Variants in PAM16 observed in about 807,000 individuals in gnomAD.
PAM16 encodes the protein presequence translocase associated motor 16.
PAM16 carries 11 observed loss-of-function variants against 17.9 expected under a neutral mutation model. The observed-to-expected ratio is 0.62, with a 90% CI of 0.39 to 1.02. PAM16 has a LOEUF of 1.02. Among genes scored for constraint, PAM16 ranks in the 50% least tolerant of loss-of-function variants. The probability of loss-of-function intolerance (pLI) is 0.01; values close to 1 mark genes in which losing one functional copy is unlikely to be tolerated. For synonymous variants in PAM16, 72 were observed against 67.4 expected (o/e 1.07, Z -0.34); for missense variants, 199 against 165.4 (o/e 1.20, Z -1.11).
intron 1 of PAM16, chr16:4,350,809 G>T (rs565003778): frequency 1.6e-4 from 26 of 166,048 alleles, no homozygotes; most frequent in Non-Finnish European, 2.7e-4. Context: ...TCGGTGTCTC[G>T]GGGCCTAGTT....
chr16:4,349,504 T>C (rs534264781), intron 1 of PAM16, among the ~76,000 whole-genome samples: 7 of 152,252 alleles, frequency 4.6e-5, no homozygotes, highest in African/African-American at 1.7e-4. Flanking sequence ...GAGGATCACC[T>C]AAGCCCCAGG....
At position 4,351,263 on chromosome 16, in the gene PAM16, C is replaced by T; in HGVS notation, c.-29G>A. 1 of 1,463,512 alleles carries T rather than the reference C, an allele frequency of 6.8e-7. No homozygotes were observed. The highest frequency in any genetic ancestry group is 9.1e-7 in the Non-Finnish European group (1 of 1,099,926). The allele number at this position is 1,463,512 out of a possible 1,614,324, so 90.7% of individuals were successfully genotyped here. A position where few individuals can be genotyped will look rare whatever the true frequency, so the allele number is the denominator to read the frequency against. ...AGCCGCTCTGCCTCCGGGGCTCAAA[C>T]TCCGACTTCCTGGCCCCGCGGCCGG... On this transcript the variant is annotated 5_prime_UTR_variant, in exon 1 of 5. Coordinates refer to ENST00000318059, the MANE Select transcript of PAM16 (RefSeq NM_016069.11).
At chr16:4,348,940 G>C (rs111284704) in intron 1 of PAM16, among the ~76,000 whole-genome samples, 1 of 145,940 alleles carries the variant, frequency 6.9e-6, no homozygotes, top group African/African-American at 2.6e-5. Context: ...CACCGTACCC[G>C]GCCTAGCACT....
intron 2 of PAM16, among the ~76,000 whole-genome samples, chr16:4,342,176 C>G (rs1382406691): frequency 6.6e-6 from 1 of 152,184 alleles, no homozygotes; most frequent in Non-Finnish European, 1.5e-5. Flanking sequence ...TGATGAAAAC[C>G]TGTAAAATAC....
chr16:4,341,294 G>T, intron 3 of PAM16, 74 bp downstream of exon 3: 1 of 1,520,326 alleles, frequency 6.6e-7, no homozygotes, highest in South Asian at 1.2e-5. Flanking sequence ...GACCTCCCTG[G>T]CCAGGCCTCC....
At chr16:4,351,082 C>G (rs1212574997) in intron 1 of PAM16, 150 bp downstream of exon 1, 1 of 379,948 alleles carries the variant, frequency 2.6e-6, no homozygotes, top group African/African-American at 2.1e-5. Flanking sequence ...GCCTCGATTC[C>G]CCCGGGTGCA....
intron 4 of PAM16, among the ~76,000 whole-genome samples, 192 bp from the exon 5 acceptor site, chr16:4,340,597 G>A (rs919243075): frequency 1.3e-5 from 2 of 152,162 alleles, no homozygotes; most frequent in African/African-American, 2.4e-5. Context: ...AGGGCCCAGC[G>A]CATGCTGTGA....
rs1458304401 is a variant in PAM16 at position 4,344,382 on chromosome 16, GGT to G, written c.4-1093_4-1092del. ...GAGGGGGTTCTGTGTGAGAGGAGGG[GGT>G]TCTGTGTGAGAGGAGGGGGTTCTGT... On this transcript the variant is annotated intron_variant, in intron 1 of 4. Coordinates refer to ENST00000318059, the MANE Select transcript of PAM16 (RefSeq NM_016069.11). Among the ~76,000 whole-genome samples, 4 of 11,022 alleles carry G rather than the reference GGT, an allele frequency of 3.6e-4. 2 individuals carry two copies. The highest frequency in any genetic ancestry group is 7.5e-4 in the Non-Finnish European group (4 of 5,360). 7.2% of individuals were successfully genotyped at this position (11,022 alleles called of 152,430 possible).
intron 1 of PAM16, chr16:4,346,002 A>T: frequency 1.0e-6 from 1 of 984,270 alleles, no homozygotes; most frequent in South Asian, 4.7e-5. Context: ...TGCCAAGGCC[A>T]ATGACTGTTG....
intron 1 of PAM16, chr16:4,346,729 TA>T (rs1330925702): frequency 1.3e-5 from 2 of 152,200 alleles, no homozygotes; most frequent in East Asian, 1.9e-4. Flanking sequence ...ATTTTTTATT[TA>T]TTTTTTTGAG....
chr16:4,347,495 A>G (rs1202745612), intron 1 of PAM16: 1 of 152,256 alleles, frequency 6.6e-6, no homozygotes, highest in African/African-American at 2.4e-5. Flanking sequence ...TCACAAGAGG[A>G]CAGTAAGGCC....
At chr16:4,341,583 C>T (rs2053648260) in intron 2 of PAM16, 79 bp from the exon 3 acceptor site, 1 of 1,506,654 alleles carries the variant, frequency 6.6e-7, no homozygotes, top group Non-Finnish European at 8.9e-7. Flanking sequence ...GTGGCTCACC[C>T]CTGCCACCAG....
Position 4,343,613 on chromosome 16 carries a change from T to G in PAM16, c.4-322A>C, listed in dbSNP as rs2053686672. 3.2e-5 allele frequency: 44 copies of G among 1,362,864 alleles called. 1 individual carries two copies. The South Asian group carries it at 8.3e-4, about 26-fold the overall frequency. The allele number at this position is 1,362,864 out of a possible 1,614,324, so 84.4% of individuals were successfully genotyped here. On this transcript the variant is annotated intron_variant, in intron 1 of 4. Coordinates refer to ENST00000318059, the MANE Select transcript of PAM16 (RefSeq NM_016069.11). The stretch of plus-strand genomic sequence containing the variant: ...CCACCGGCTTCAGGAAGAAACACTG[T>G]GGTCTGGGAGCCAGAACACAGGGAC...
intron 1 of PAM16, among the ~76,000 whole-genome samples, chr16:4,350,409 ATT>A (rs970804357): frequency 6.7e-6 from 1 of 148,318 alleles, no homozygotes. Context: ...CATATATATA[ATT>A]TTTTTTTTGA....
Position 4,351,299 on chromosome 16 carries a change from T to A in PAM16, c.-65A>T. On this transcript the variant is annotated 5_prime_UTR_variant, in exon 1 of 5. Transcript: ENST00000318059. ...TGGCCCCGCGGCCGGGGATCAAGCG[T>A]GGTCGGCGGGTCAGAGGTCAAGGAA... 3 of 1,346,824 alleles carry A rather than the reference T, an allele frequency of 2.2e-6. No individual in the cohort carries two copies. Among genetic ancestry groups the A allele is most frequent in the Non-Finnish European group, 2.9e-6 (3 of 1,019,080 alleles). 83.4% of individuals were successfully genotyped at this position (1,346,824 alleles called of 1,614,324 possible).
chr16:4,346,374 C>T (rs114371431), intron 1 of PAM16, among the ~76,000 whole-genome samples: 5,103 of 152,332 alleles, frequency 0.033, 271 homozygotes, highest in African/African-American at 0.12. Context: ...TAATGCCTGT[C>T]AAATGCCTGG....
intron 4 of PAM16, 124 bp downstream of exon 4, chr16:4,340,796 A>G (rs1596247064): frequency 2.4e-6 from 3 of 1,261,110 alleles, no homozygotes; most frequent in South Asian, 1.2e-5. Context: ...ACCATGGGAA[A>G]GCCTGGCACA....
chr16:4,347,326 G>C (rs937098430), intron 1 of PAM16: 7 of 152,218 alleles, frequency 4.6e-5, no homozygotes, highest in African/African-American at 7.2e-5. Flanking sequence ...TTTCTGGAGA[G>C]ATGGGGTTTC....
chr16:4,340,530 G>T, intron 4 of PAM16, 125 bp from the exon 5 acceptor site: 1 of 1,073,756 alleles, frequency 9.3e-7, no homozygotes, highest in Non-Finnish European at 1.3e-6. Context: ...GGATACCAAT[G>T]CTTCCTTCAG....
Sources: gnomAD v4.1 joint callset for allele counts (sites outside exome capture counted in the v4.1 genomes callset) on GRCh38, gnomAD v4.1.1 for gene constraint, MANE v1.5 for transcripts, NCBI Gene and HGNC (gene_info 2026-07-23, HGNC 2026-07-21) for gene names.